Variants in CHMP3 observed in about 807,000 individuals in gnomAD.
CHMP3 encodes charged multivesicular body protein 3, also known as 25.1 protein.
CHMP3 carries 8 observed loss-of-function variants against 27.4 expected under a neutral mutation model. The ratio of observed to expected loss-of-function variants is 0.29; its 90% CI spans 0.17 to 0.53. CHMP3 has a LOEUF of 0.53. Among genes scored for constraint, CHMP3 ranks in the 20% least tolerant of loss-of-function variants. The pLI is 0.96. For missense variants in CHMP3, 208 were observed against 271.5 expected, an observed-to-expected ratio of 0.77 and a Z score of 1.64; for synonymous variants, 86 against 85.5, an observed-to-expected ratio of 1.01 and a Z score of -0.03.
rs139320001 is a variant in CHMP3, at chr2:86,529,368, G to A, written c.136C>T (p.Arg46Ter). The change falls in exon 3 of 6, where the codon CGA becomes TGA. Residue 46 changes from arginine to a stop codon, truncating the protein, a stop_gained. Transcript: ENST00000263856. LOFTEE classifies it high-confidence loss of function. The part of the protein sequence containing the change: ...DIQREEEKVK[R>*]SVKDAAKKGQ... ...TTCTTGGCAGCATCTTTCACAGATC[G>A]TTTCACTTTTTCTTCTTCTCTTTGG... 2.5e-6 allele frequency: 4 copies of A among 1,600,694 alleles called. No homozygotes were observed. Among genetic ancestry groups the A allele is most frequent in the Non-Finnish European group, 3.4e-6 (4 of 1,175,622 alleles).
At chr2:86,549,586 T>C (rs1287423100) in intron 1 of CHMP3, among the ~76,000 whole-genome samples, 4 of 129,888 alleles carry the variant, frequency 3.1e-5, no homozygotes, top group Non-Finnish European at 6.3e-5. Context: ...GAGACGCCCC[T>C]CCCCTCCCAG....
intron 1 of CHMP3, among the ~76,000 whole-genome samples, chr2:86,543,777 A>G (rs976518177): frequency 3.9e-5 from 6 of 152,206 alleles, no homozygotes; most frequent in Non-Finnish European, 7.3e-5. Flanking sequence ...CTCCACTCAG[A>G]AAAAATACTT....
At chr2:86,526,683 T>TATAC (rs1553405345) in intron 3 of CHMP3, among the ~76,000 whole-genome samples, 2 of 143,264 alleles carry the variant, frequency 1.4e-5, no homozygotes, top group East Asian at 3.9e-4. Context: ...TCTCTCTCTC[T>TATAC]ATATATATAT....
intron 3 of CHMP3, among the ~76,000 whole-genome samples, chr2:86,517,200 T>A (rs2104752403): frequency 1.3e-5 from 2 of 152,324 alleles, no homozygotes; most frequent in Middle Eastern, 6.8e-3. Flanking sequence ...ATTGTATGCA[T>A]AAAACAATTT....
intron 2 of CHMP3, among the ~76,000 whole-genome samples, chr2:86,533,675 T>C (rs1228844690): frequency 6.6e-6 from 1 of 152,154 alleles, no homozygotes; most frequent in Admixed American, 6.6e-5. Context: ...TAGCTAACTT[T>C]TGTATTTTTG....
Position 86,510,569 on chromosome 2 carries a change from A to T in CHMP3, c.287-90T>A, listed in dbSNP as rs1675066743. On this transcript the variant is annotated intron_variant, in intron 3 of 5. Coordinates refer to ENST00000263856, the MANE Select transcript of CHMP3 (RefSeq NM_016079.4). The stretch of plus-strand genomic sequence containing the variant: ...ATGAGCCATTCCAATAAATGACAGC[A>T]GTAGCAGATGGACTCCCGAAGTTAT... 3.2e-6 allele frequency: 5 copies of T among 1,541,310 alleles called. No individual in the cohort carries two copies. In the East Asian group the frequency reaches 1.1e-4, roughly 35 times the overall value.
At chr2:86,554,124 G>C (rs1473279201) in intron 1 of CHMP3, among the ~76,000 whole-genome samples, 2 of 152,138 alleles carry the variant, frequency 1.3e-5, no homozygotes, top group South Asian at 2.1e-4. Flanking sequence ...CAGCAAGAAG[G>C]CACCATCTAT....
In CHMP3 at chr2:86,554,971, G is replaced by A. The variant is rs562692039; in HGVS notation, c.45+8333C>T. On this transcript the variant is annotated intron_variant, in intron 1 of 5. Coordinates refer to ENST00000263856, the MANE Select transcript of CHMP3 (RefSeq NM_016079.4). ...AAGCAATTCTCCTGCCTCAGCCTCC[G>A]GAGTAGCTGGGATTACAGGTGCCTG... Among the ~76,000 whole-genome samples the A allele has an allele frequency of 8.3e-4, 125 of 151,314 alleles. 2 individuals carry two copies. In the South Asian group the frequency reaches 0.022, roughly 26 times the overall value.
At chr2:86,527,653 T>C (rs991978893) in intron 3 of CHMP3, among the ~76,000 whole-genome samples, 5 of 152,134 alleles carry the variant, frequency 3.3e-5, no homozygotes, top group Admixed American at 3.3e-4. Context: ...AGGGCTGTAA[T>C]AACATGGCAT....
Position 86,529,267 on chromosome 2 carries a change from T to G in CHMP3, c.237A>C (p.Ala79=), listed in dbSNP as rs1675824455. Residue 79 remains alanine, a synonymous_variant, in exon 3 of 6, where the codon GCA becomes GCC. Transcript: ENST00000263856. ...GCACTGAGTTCATGTGTGCTTTGGATGCATACAGCTTGCTCACAGCCTTCC... is the reference window on the plus strand; with the variant it reads ...GCACTGAGTTCATGTGTGCTTTGGAGGCATACAGCTTGCTCACAGCCTTCC... ...RSRKAVSKLY[A]SKAHMNSVLM... 5 of 1,613,480 alleles carry G rather than the reference T, an allele frequency of 3.1e-6. No individual in the cohort carries two copies. The highest frequency in any genetic ancestry group is 1.6e-4 in the Middle Eastern group (1 of 6,062).
chr2:86,550,168 G>A (rs1419223797), intron 1 of CHMP3, among the ~76,000 whole-genome samples: 4 of 152,216 alleles, frequency 2.6e-5, no homozygotes, highest in Non-Finnish European at 1.5e-5. Flanking sequence ...TTGAGGTCAG[G>A]AGCCGGAGAC....
chr2:86,547,733 T>C (rs918910744), intron 1 of CHMP3, among the ~76,000 whole-genome samples: 4 of 152,202 alleles, frequency 2.6e-5, no homozygotes, highest in African/African-American at 7.2e-5. Flanking sequence ...TTAAAACAGA[T>C]GTAAAGAAAA....
chr2:86,548,543 T>A (rs1676708069), intron 1 of CHMP3, among the ~76,000 whole-genome samples: 1 of 152,210 alleles, frequency 6.6e-6, no homozygotes, highest in Non-Finnish European at 1.5e-5. Flanking sequence ...GGCAGAAGAA[T>A]TTTTCTTAGT....
At chr2:86,548,980 C>T (rs868049823) in intron 1 of CHMP3, among the ~76,000 whole-genome samples, 1 of 150,308 alleles carries the variant, frequency 6.7e-6, no homozygotes, top group Non-Finnish European at 1.5e-5. Context: ...GGCAGAGGCG[C>T]TCCTAGCCTC....
chr2:86,516,207 G>A (rs1675301765), intron 3 of CHMP3, among the ~76,000 whole-genome samples: 1 of 146,546 alleles, frequency 6.8e-6, no homozygotes, highest in South Asian at 2.2e-4. Flanking sequence ...GAAGGAAATA[G>A]AAGCTCATTC....
chr2:86,510,274 AC>A lies in CHMP3; in HGVS notation c.408+83del, dbSNP rs1233556845. On this transcript the variant is annotated intron_variant, in intron 4 of 5. Coordinates refer to ENST00000263856, the MANE Select transcript of CHMP3 (RefSeq NM_016079.4). ...TAGCAGGTGTAGTCTGTTCATCCCC[AC>A]CCACCCTCATCCCTAGCCCCCTGTT... 3.9e-5 allele frequency: 26 copies of A among 663,936 alleles called. 2 individuals are homozygous for A. Among genetic ancestry groups the A allele is most frequent in the Non-Finnish European group, 6.4e-5 (25 of 388,852 alleles). 41.1% of individuals were successfully genotyped at this position (663,936 alleles called of 1,614,324 possible). A position where few individuals can be genotyped will look rare whatever the true frequency, so the allele number is the denominator to read the frequency against.
At chr2:86,539,476 A>G (rs902628043) in intron 2 of CHMP3, among the ~76,000 whole-genome samples, 1 of 152,294 alleles carries the variant, frequency 6.6e-6, no homozygotes. Flanking sequence ...ATAAATTACT[A>G]TTAATGACAA....
At chr2:86,535,599 C>A (rs564866923) in intron 2 of CHMP3, among the ~76,000 whole-genome samples, 37 of 152,212 alleles carry the variant, frequency 2.4e-4, no homozygotes, top group African/African-American at 8.2e-4. Context: ...CTCCGGCCCC[C>A]AGGTTCAAGC....
rs2104734474 is a variant in CHMP3 at position 86,505,176 on chromosome 2, G to A, written c.*628C>T. On this transcript the variant is annotated 3_prime_UTR_variant, in exon 6 of 6. Coordinates refer to ENST00000263856, the MANE Select transcript of CHMP3 (RefSeq NM_016079.4). ...ACAGAAGCTCTAAATAGACCCACAT[G>A]CACACCCCAGGACATAATGCAGCCA... The A allele has an allele frequency of 6.5e-6, 1 of 152,850 alleles. No homozygotes were observed. The allele number at this position is 152,850 out of a possible 1,614,324, so 9.5% of individuals were successfully genotyped here.
Sources: allele counts gnomAD v4.1 joint callset (sites outside exome capture counted in the v4.1 genomes callset), GRCh38; gene constraint gnomAD v4.1.1; transcripts MANE v1.5; gene names NCBI Gene and HGNC (gene_info 2026-07-23, HGNC 2026-07-21).